Variants in USP7 observed in about 807,000 individuals in gnomAD.
USP7 encodes the protein ubiquitin C-terminal hydrolase 7.
USP7 carries 9 observed loss-of-function variants against 162.9 expected under a neutral mutation model. The observed-to-expected ratio is 0.06, with a 90% CI of 0.03 to 0.10. The LOEUF (loss-of-function observed/expected upper bound fraction) is 0.10. Among genes scored for constraint, USP7 ranks in the 10% least tolerant of loss-of-function variants. The pLI is 1.00. For synonymous variants in USP7, 562 were observed against 475.9 expected (o/e 1.18, Z -2.35); for missense variants, 715 against 1,373.7 (o/e 0.52, Z 7.58).
At chr16:8,927,946 A>C (rs1292326562) in intron 2 of USP7, among the ~76,000 whole-genome samples, 2 of 152,222 alleles carry the variant, frequency 1.3e-5, no homozygotes, top group African/African-American at 4.8e-5. Context: ...GAAGTTCAAG[A>C]CCAGCCTGGG....
At chr16:8,899,888 TG>T in intron 21 of USP7, 131 bp from the exon 22 acceptor site, 1 of 1,133,430 alleles carries the variant, frequency 8.8e-7, no homozygotes, top group Non-Finnish European at 1.3e-6. Flanking sequence ...GGTTCCCCTT[TG>T]AGGGGGCCAG....
chr16:8,944,594 TA>T (rs897695421), intron 1 of USP7, among the ~76,000 whole-genome samples: 1 of 152,158 alleles, frequency 6.6e-6, no homozygotes, highest in African/African-American at 2.4e-5. Flanking sequence ...TTTATTTGAA[TA>T]AAACCACAAA....
intron 1 of USP7, among the ~76,000 whole-genome samples, chr16:8,947,347 C>G (rs1366960955): frequency 1.3e-5 from 2 of 149,472 alleles, no homozygotes; most frequent in Non-Finnish European, 3.0e-5. Context: ...CCACAGCACT[C>G]CCCCCCCCAA....
At chr16:8,895,793 T>G (rs2061671908) in intron 26 of USP7, 52 bp from the exon 27 acceptor site, 1 of 1,178,046 alleles carries the variant, frequency 8.5e-7, no homozygotes, top group Non-Finnish European at 1.2e-6. Context: ...TATATTCACA[T>G]AAAAATAAAA....
chr16:8,962,487 G>C (rs759348816), intron 1 of USP7: 9 of 450,926 alleles, frequency 2.0e-5, no homozygotes, highest in South Asian at 1.1e-4. Flanking sequence ...TTTCGAGTCA[G>C]GTTTGATTCT....
chr16:8,929,102 C>T (rs2141227668), intron 2 of USP7, among the ~76,000 whole-genome samples: 1 of 152,226 alleles, frequency 6.6e-6, no homozygotes, highest in South Asian at 2.1e-4. Flanking sequence ...TCTGTGGGAA[C>T]TAGACCCGGA....
chr16:8,941,605 C>A (rs1899048441), intron 1 of USP7, among the ~76,000 whole-genome samples: 1 of 152,196 alleles, frequency 6.6e-6, no homozygotes, highest in African/African-American at 2.4e-5. Flanking sequence ...GTTAGTCTGC[C>A]AATTCGCTTA....
intron 1 of USP7, among the ~76,000 whole-genome samples, chr16:8,955,577 G>A (rs189220889): frequency 1.3e-5 from 2 of 152,046 alleles, no homozygotes; most frequent in East Asian, 1.9e-4. Flanking sequence ...ATGGCGGCGC[G>A]CCCCTGTAGT....
intron 25 of USP7, chr16:8,897,370 G>A: frequency 2.4e-6 from 1 of 410,688 alleles, no homozygotes; most frequent in Non-Finnish European, 4.4e-6. Flanking sequence ...CACCTTCTCA[G>A]GAAATGGTCC....
chr16:8,926,621 T>C (rs572782888), intron 2 of USP7, among the ~76,000 whole-genome samples: 18 of 152,168 alleles, frequency 1.2e-4, no homozygotes, highest in Admixed American at 2.6e-4. Flanking sequence ...CCCAAGAAAA[T>C]AGTTAACAGT....
chr16:8,899,285 G>T, intron 22 of USP7, 97 bp from the exon 23 acceptor site: 2 of 1,199,296 alleles, frequency 1.7e-6, no homozygotes, highest in Non-Finnish European at 2.4e-6. Context: ...TGAGCAGCCT[G>T]AATTTAAATT....
At chr16:8,916,370 G>T in intron 8 of USP7, 132 bp downstream of exon 8, 2 of 910,046 alleles carry the variant, frequency 2.2e-6, no homozygotes, top group South Asian at 2.2e-5. Flanking sequence ...CTGCCTTTTT[G>T]TAGCCTAAGT....
chr16:8,958,410 G>A (rs1374253239), intron 1 of USP7, among the ~76,000 whole-genome samples: 2 of 152,226 alleles, frequency 1.3e-5, no homozygotes, highest in Admixed American at 6.5e-5. Flanking sequence ...TGTAGAGAAG[G>A]CAGGACACCA....
rs374315435 is a variant in USP7 at position 8,895,167 on chromosome 16, C to G, written c.2920-17G>C. On this transcript the variant is annotated splice_polypyrimidine_tract_variant and intron_variant, in intron 27 of 30. Coordinates refer to ENST00000344836, the MANE Select transcript of USP7 (RefSeq NM_003470.3). ...AGGGATTTCCTGGGGACACGGACAA[C>G]AGACACAGTTCTGTAAGTGCAAGTG... The G allele has an allele frequency of 9.3e-6, 15 of 1,614,084 alleles. No individual in the cohort carries two copies. The African/African-American group carries it at 2.0e-4, about 22-fold the overall frequency.
Position 8,901,189 on chromosome 16 carries a change from C to T in USP7, c.2093G>A (p.Ser698Asn). ...GTAGATATGCCCACAGTAATTCAAG[C>T]TCCGCGTTTTGGGATCATACATCTT... ...FLKMYDPKTRSLNYCGHIYTP... is the reference protein window; with the variant it reads ...FLKMYDPKTRNLNYCGHIYTP... The change falls in exon 19 of 31, where the codon AGC (serine) becomes AAC (asparagine). Residue 698 changes from serine to asparagine, a missense_variant. Physicochemically the swap from Ser to Asn is conservative, Grantham distance 46. This residue lies in a region of USP7 where 197 missense variants were observed against 306.5 expected (regional missense o/e 0.64). Coordinates refer to ENST00000344836, the MANE Select transcript of USP7 (RefSeq NM_003470.3). The T allele has an allele frequency of 1.2e-6, 2 of 1,613,424 alleles. No individual in the cohort carries two copies. Among genetic ancestry groups the T allele is most frequent in the Admixed American group, 1.7e-5 (1 of 59,986 alleles).
In USP7 at chr16:8,963,319, G is replaced by C. The variant is rs1028637494; in HGVS notation, c.-34C>G. On this transcript the variant is annotated 5_prime_UTR_variant, in exon 1 of 31. Coordinates refer to ENST00000344836, the MANE Select transcript of USP7 (RefSeq NM_003470.3). ...CGGCCTGGGCCTCGCCTGCGGCCGG[G>C]GGCCGGGGCTGCGAGCCCGGCGGGC... The C allele has an allele frequency of 3.1e-4, 294 of 958,632 alleles. No individual in the cohort carries two copies. The African/African-American group carries it at 4.8e-3, about 16-fold the overall frequency. 59.4% of individuals were successfully genotyped at this position (958,632 alleles called of 1,614,324 possible).
chr16:8,898,953 T>G (rs2061731408), intron 23 of USP7, among the ~76,000 whole-genome samples, 168 bp downstream of exon 23: 1 of 152,204 alleles, frequency 6.6e-6, no homozygotes. Flanking sequence ...TTTTAACATC[T>G]CAGAGTAATG....
At chr16:8,953,011 AT>A (rs1170788600) in intron 1 of USP7, among the ~76,000 whole-genome samples, 1 of 151,798 alleles carries the variant, frequency 6.6e-6, no homozygotes, top group African/African-American at 2.4e-5. Context: ...TATTTTTTGT[AT>A]TTTTAGTAGA....
intron 11 of USP7, 101 bp from the exon 12 acceptor site, chr16:8,908,551 C>T: frequency 2.1e-6 from 2 of 966,364 alleles, no homozygotes; most frequent in Non-Finnish European, 3.1e-6. Flanking sequence ...TGTCTGGAGA[C>T]TCTGGAGACA....
Sources: allele counts gnomAD v4.1 joint callset (sites outside exome capture counted in the v4.1 genomes callset), GRCh38; gene constraint gnomAD v4.1.1; regional missense constraint gnomAD v4.1.1; transcripts MANE v1.5; gene names NCBI Gene and HGNC (gene_info 2026-07-23, HGNC 2026-07-21).